CNBD1: variants seen among roughly 807,000 people sequenced by gnomAD.
The protein encoded by CNBD1 is cyclic nucleotide-binding domain-containing protein 1.
Under a neutral mutation model 54.4 loss-of-function variants are expected in CNBD1, and 71 were observed. The ratio of observed to expected loss-of-function variants is 1.30; its 90% CI spans 1.08 to 1.59. The LOEUF (loss-of-function observed/expected upper bound fraction) is 1.59, where lower values mean the gene tolerates loss of function less well. CNBD1 is among the 40% of genes most tolerant of loss of function. The pLI is 0.00. For missense variants in CNBD1, 659 were observed against 518.0 expected (o/e 1.27, Z -2.64); for synonymous variants, 182 against 170.7 (o/e 1.07, Z -0.51).
intron 8 of CNBD1, among the ~76,000 whole-genome samples, chr8:87,327,650 C>T (rs942316152): frequency 6.6e-6 from 1 of 152,180 alleles, no homozygotes; most frequent in Non-Finnish European, 1.5e-5. Flanking sequence ...AGTGCCTCGC[C>T]CTGCTTCGGC....
intron 10 of CNBD1, among the ~76,000 whole-genome samples, chr8:87,367,782 G>T (rs1810671327): frequency 6.6e-6 from 1 of 152,070 alleles, no homozygotes; most frequent in South Asian, 2.1e-4. Flanking sequence ...AAAGGTCATG[G>T]GGGACACTTC....
chr8:87,403,459 G>C (rs1189223660), intron 2 of CNBD1, among the ~76,000 whole-genome samples: 1 of 151,810 alleles, frequency 6.6e-6, no homozygotes, highest in Non-Finnish European at 1.5e-5. Context: ...CAATTTCCGC[G>C]TGCTACTCCA....
chr8:87,233,719 C>T (rs996485785), intron 5 of CNBD1, among the ~76,000 whole-genome samples: 1 of 152,084 alleles, frequency 6.6e-6, no homozygotes. Flanking sequence ...ATTCTCCCAC[C>T]TCAGTCTCCC....
At chr8:87,211,374 A>T (rs1814094643) in intron 5 of CNBD1, among the ~76,000 whole-genome samples, 1 of 152,104 alleles carries the variant, frequency 6.6e-6, no homozygotes, top group African/African-American at 2.4e-5. Context: ...GACTGTTGAG[A>T]TGGGATAATT....
At chr8:87,383,754 G>A (rs2130962209), downstream of CNBD1, among the ~76,000 whole-genome samples, 1 of 152,202 alleles carries the variant, frequency 6.6e-6, no homozygotes, top group East Asian at 1.9e-4. Flanking sequence ...ACTATACATA[G>A]CACCAAGTTG....
chr8:87,237,670 G>C (rs1807610480), intron 6 of CNBD1, among the ~76,000 whole-genome samples: 2 of 152,200 alleles, frequency 1.3e-5, no homozygotes, highest in African/African-American at 2.4e-5. Context: ...ATGGGATAGA[G>C]GTCTGAATTG....
intron 8 of CNBD1, among the ~76,000 whole-genome samples, chr8:87,319,800 TC>T: frequency 6.6e-6 from 1 of 152,102 alleles, no homozygotes; most frequent in Non-Finnish European, 1.5e-5. Context: ...AAAAAGCGTT[TC>T]TATATAGCTC....
At chr8:87,042,243 A>G (rs934071498) in intron 4 of CNBD1, among the ~76,000 whole-genome samples, 1 of 152,166 alleles carries the variant, frequency 6.6e-6, no homozygotes, top group Non-Finnish European at 1.5e-5. Flanking sequence ...TATTAAATAT[A>G]TCCCAGTGGA....
At chr8:87,057,366 A>G (rs1197109142) in intron 4 of CNBD1, among the ~76,000 whole-genome samples, 1 of 152,186 alleles carries the variant, frequency 6.6e-6, no homozygotes, top group Non-Finnish European at 1.5e-5. Flanking sequence ...CAGATCTTGT[A>G]AGAACTCCAT....
chr8:87,355,898 GA>G (rs1810410410), intron 10 of CNBD1, among the ~76,000 whole-genome samples: 1 of 152,116 alleles, frequency 6.6e-6, no homozygotes, highest in Non-Finnish European at 1.5e-5. Flanking sequence ...GATCCTTTAT[GA>G]ATGGCTTAGT....
chr8:87,199,565 A>G (rs1813807839), intron 4 of CNBD1, among the ~76,000 whole-genome samples: 1 of 152,172 alleles, frequency 6.6e-6, no homozygotes, highest in Non-Finnish European at 1.5e-5. Flanking sequence ...CTGCCCTCTT[A>G]GCCAATGTTT....
intron 3 of CNBD1, among the ~76,000 whole-genome samples, chr8:86,911,608 C>G (rs560507526): frequency 6.6e-6 from 1 of 152,204 alleles, no homozygotes; most frequent in Non-Finnish European, 1.5e-5. Context: ...GAATTATTCT[C>G]TACTAGCTAT....
chr8:87,027,225 C>T (rs918343357), intron 4 of CNBD1, among the ~76,000 whole-genome samples: 1 of 151,804 alleles, frequency 6.6e-6, no homozygotes, highest in Non-Finnish European at 1.5e-5. Flanking sequence ...AGACTGTGAA[C>T]CAACATTTTG....
At chr8:87,223,759 T>C (rs1455072886) in intron 5 of CNBD1, among the ~76,000 whole-genome samples, 6 of 152,018 alleles carry the variant, frequency 3.9e-5, no homozygotes, top group Admixed American at 6.6e-5. Flanking sequence ...ATATACCCAG[T>C]AATGGGATGG....
At chr8:86,941,171 T>C (rs7463269) in intron 4 of CNBD1, among the ~76,000 whole-genome samples, 144,014 of 152,296 alleles carry the variant, frequency 0.95, 68,193 homozygotes, top group East Asian at 1. Flanking sequence ...AAGGAAACAA[T>C]GAATACTAAT....
At chr8:87,406,099 A>T (rs1030081661) in intron 2 of CNBD1, among the ~76,000 whole-genome samples, 1 of 152,114 alleles carries the variant, frequency 6.6e-6, no homozygotes, top group African/African-American at 2.4e-5. Context: ...CATTTGAAAT[A>T]TGTATTTTCT....
intron 4 of CNBD1, among the ~76,000 whole-genome samples, chr8:87,200,602 T>TA (rs1462057015): frequency 2.6e-5 from 4 of 151,934 alleles, no homozygotes; most frequent in Admixed American, 6.6e-5. Flanking sequence ...CCTGCAGAAA[T>TA]AAAAAAGATT....
At chr8:87,151,308 C>A (rs576765508) in intron 4 of CNBD1, among the ~76,000 whole-genome samples, 5 of 152,280 alleles carry the variant, frequency 3.3e-5, no homozygotes, top group African/African-American at 1.2e-4. Context: ...AGATACTGTT[C>A]TAAGCACTAG....
chr8:87,297,552 A>G (rs948671016), intron 8 of CNBD1, among the ~76,000 whole-genome samples: 6 of 152,172 alleles, frequency 3.9e-5, no homozygotes, highest in Non-Finnish European at 2.9e-5. Flanking sequence ...AAAATATCTT[A>G]TAAATCACTT....
Sources: gnomAD v4.1 joint callset for allele counts (sites outside exome capture counted in the v4.1 genomes callset) on GRCh38, gnomAD v4.1.1 for gene constraint, MANE v1.5 for transcripts, NCBI Gene and HGNC (gene_info 2026-07-23, HGNC 2026-07-21) for gene names.